Variants in SYNE1 observed in about 807,000 individuals in gnomAD.
The protein encoded by SYNE1 is spectrin repeat containing nuclear envelope protein 1.
A neutral mutation model predicts 1,111.0 loss-of-function variants in SYNE1; 616 were observed. The ratio of observed to expected loss-of-function variants is 0.55; its 90% CI spans 0.52 to 0.59. SYNE1 has a LOEUF of 0.59. Among genes scored for constraint, SYNE1 ranks in the 20% least tolerant of loss-of-function variants. The probability of loss-of-function intolerance (pLI) is 0.00; values close to 1 mark genes in which losing one functional copy is unlikely to be tolerated. For missense variants in SYNE1, 10,006 were observed against 10,417.0 expected, an observed-to-expected ratio of 0.96 and a Z score of 1.72; for synonymous variants, 3,855 against 3,825.8, an observed-to-expected ratio of 1.01 and a Z score of -0.28.
chr6:152,211,527 T>G lies in SYNE1; in HGVS notation c.22556A>C (p.Gln7519Pro). 1.2e-6 allele frequency: 2 copies of G among 1,613,894 alleles called. No individual in the cohort carries two copies. Among genetic ancestry groups the G allele is most frequent in the Non-Finnish European group, 1.7e-6 (2 of 1,179,878 alleles). ...QILHSIIIDG[Q>P]RLLEQGQVDD... Reference sequence around the variant, plus strand: ...AACTTGACCTTGTTCTAGAAGACGTTGCCCATCAATAATGATTGAGTGCAA... The same window carrying G: ...AACTTGACCTTGTTCTAGAAGACGTGGCCCATCAATAATGATTGAGTGCAA... Residue 7519 changes from glutamine to proline, a missense_variant, in exon 124 of 146, where the codon CAA becomes CCA. By Grantham distance (76) the Gln-to-Pro change is moderately conservative. Coordinates refer to ENST00000367255, the MANE Select transcript of SYNE1 (RefSeq NM_182961.4).
At chr6:152,294,779 T>C (rs1001443467) in intron 93 of SYNE1, among the ~76,000 whole-genome samples, 17 of 152,198 alleles carry the variant, frequency 1.1e-4, no homozygotes, top group African/African-American at 4.1e-4. Flanking sequence ...TTTAAACCTA[T>C]TATAACATTA....
rs547107360 is a variant in SYNE1 at position 152,475,427 on chromosome 6, A to C, written c.1351-3014T>G. Among the ~76,000 whole-genome samples the C allele has an allele frequency of 4.2e-4, 64 of 152,330 alleles. 1 individual carries two copies. The South Asian group carries it at 0.013, about 30-fold the overall frequency. ...GGCAAAATTATCTAACATAAAGCCA[A>C]ATTTTATAATAAAATGTTGAATATC... On this transcript the variant is annotated intron_variant, in intron 14 of 145. Coordinates refer to ENST00000367255, the MANE Select transcript of SYNE1 (RefSeq NM_182961.4).
intron 128 of SYNE1, among the ~76,000 whole-genome samples, chr6:152,185,977 A>G (rs2069741889): frequency 6.6e-6 from 1 of 152,232 alleles, no homozygotes; most frequent in Non-Finnish European, 1.5e-5. Flanking sequence ...AAACGTAAGT[A>G]TGAGGAAATA....
intron 89 of SYNE1, 111 bp from the exon 90 acceptor site, chr6:152,310,128 A>T (rs2095503098): frequency 1.5e-6 from 2 of 1,373,922 alleles, no homozygotes; most frequent in Non-Finnish European, 2.0e-6. Flanking sequence ...TTGCAAAAAA[A>T]AAAAAATGTT....
Position 152,471,641 on chromosome 6 carries a change from A to G in SYNE1, c.1588T>C (p.Tyr530His). ...ESKLKSWIIK[Y>H]GRRESVEQLL... ...TGCTCCACTGACTCTCTCCTCCCGT[A>G]CTTAATGATCCAAGACTTCAGCTTT... The change falls in exon 16 of 146, where the codon TAC (tyrosine) becomes CAC (histidine). Residue 530 changes from tyrosine (Y) to histidine (H), a missense_variant. Physicochemically the swap from Tyr to His is moderately conservative, Grantham distance 83. This residue lies in a region of SYNE1 where 1,971 missense variants were observed against 2,084.1 expected (regional missense o/e 0.95). Transcript: ENST00000367255. 6.2e-7 allele frequency: 1 copy of G among 1,614,046 alleles called. No homozygotes were observed. Among genetic ancestry groups the G allele is most frequent in the Non-Finnish European group, 8.5e-7 (1 of 1,179,910 alleles).
rs116883984 is a variant in SYNE1, at chr6:152,362,307, G to C, written c.10162C>G (p.Leu3388Val). ...TCCTGATAACTTGTCCACTTGGAGA[G>C]AGCTCCTTCGAGTTGGCTGAAAGGG... is the stretch of plus-strand genomic sequence containing the variant. ...IRCKSQLEGA[L>V]SKWTSYQDGV... The change falls in exon 64 of 146, where the codon CTC (leucine) becomes GTC (valine). Residue 3388 changes from leucine (L) to valine (V), a missense_variant. Around this residue, in one of 7 missense-constraint regions of SYNE1, gnomAD observed 4,955 missense variants for 5,017.2 expected, o/e 0.99. Coordinates refer to ENST00000367255, the MANE Select transcript of SYNE1 (RefSeq NM_182961.4). The C allele has an allele frequency of 6.2e-7, 1 of 1,614,100 alleles. No homozygotes were observed. The highest frequency in any genetic ancestry group is 1.3e-5 in the African/African-American group (1 of 74,938).
chr6:152,515,229 A>AT (rs1023654835), intron 6 of SYNE1, among the ~76,000 whole-genome samples: 5 of 152,004 alleles, frequency 3.3e-5, no homozygotes, highest in African/African-American at 1.2e-4. Flanking sequence ...CTCAAAAAAA[A>AT]AAAAGAAAAG....
At chr6:152,617,504 C>T (rs1167216613) in intron 3 of SYNE1, among the ~76,000 whole-genome samples, 1 of 152,142 alleles carries the variant, frequency 6.6e-6, no homozygotes, top group African/African-American at 2.4e-5. Context: ...GACTTGAGCA[C>T]AGTAGATTCC....
chr6:152,513,804 C>T (rs775068078), intron 6 of SYNE1, among the ~76,000 whole-genome samples: 41 of 152,052 alleles, frequency 2.7e-4, no homozygotes, highest in Non-Finnish European at 3.4e-4. Flanking sequence ...ACAACTCCAT[C>T]AAAAAGTGGG....
chr6:152,586,264 G>A (rs1013160942), intron 3 of SYNE1, among the ~76,000 whole-genome samples: 3 of 152,022 alleles, frequency 2.0e-5, no homozygotes, highest in African/African-American at 7.2e-5. Context: ...GCTCAAGAGT[G>A]CAATTTTAGC....
intron 129 of SYNE1, among the ~76,000 whole-genome samples, chr6:152,177,751 T>C (rs2066846436): frequency 6.6e-6 from 1 of 152,236 alleles, no homozygotes; most frequent in South Asian, 2.1e-4. Context: ...GAGATGATTT[T>C]ATTGAGAAGT....
At chr6:152,530,700 C>T (rs547774125) in intron 4 of SYNE1, among the ~76,000 whole-genome samples, 1 of 151,362 alleles carries the variant, frequency 6.6e-6, no homozygotes, top group Non-Finnish European at 1.5e-5. Context: ...CGGCTCACTG[C>T]AACCTCTGCC....
chr6:152,283,898 G>C, intron 96 of SYNE1, 80 bp downstream of exon 96: 1 of 1,178,222 alleles, frequency 8.5e-7, no homozygotes, highest in South Asian at 1.2e-5. Flanking sequence ...ATGTAAATAC[G>C]TAAGTAACCC....
chr6:152,409,730 A>T (rs1216229581), intron 42 of SYNE1, 21 bp from the exon 43 acceptor site: 14 of 1,612,458 alleles, frequency 8.7e-6, no homozygotes, highest in Non-Finnish European at 1.2e-5. Context: ...TAAAGAAAAT[A>T]TATTATTTGG....
intron 3 of SYNE1, among the ~76,000 whole-genome samples, chr6:152,623,683 T>C (rs1744373): frequency 0.68 from 102,802 of 151,938 alleles, 34,868 homozygotes; most frequent in Non-Finnish European, 0.71. Flanking sequence ...AAAATCACAA[T>C]GCCATTAAAA....
Position 152,325,858 on chromosome 6 carries a change from GA to G in SYNE1, c.15438+99del, listed in dbSNP as rs3215013. ...TTGTTAAATGCATCCTTATCACATT[GA>G]AAAAAGTCCAGGTAGAAATGAAGAT... On this transcript the variant is annotated intron_variant, in intron 80 of 145. Coordinates refer to ENST00000367255, the MANE Select transcript of SYNE1 (RefSeq NM_182961.4). The G allele has an allele frequency of 0.77, 1,098,537 of 1,434,998 alleles. 424,134 individuals are homozygous for G. The highest frequency in any genetic ancestry group is 0.93 in the African/African-American group (65,954 of 70,700). 88.9% of individuals were successfully genotyped at this position (1,434,998 alleles called of 1,614,324 possible). A position where few individuals can be genotyped will look rare whatever the true frequency, so the allele number is the denominator to read the frequency against.
chr6:152,417,265 A>G lies in SYNE1; in HGVS notation c.5422-250T>C, dbSNP rs576054526. 1.2e-4 allele frequency among the ~76,000 whole-genome samples: 18 copies of G among 152,252 alleles called. 2 individuals carry two copies. Among genetic ancestry groups the G allele is most frequent in the African/African-American group, 3.9e-4 (16 of 41,546 alleles). ...TGTAATCCCAGCACTTTGGGAGGCCAAGGCGGGCAGATCACGAGGTCAGGA... is the reference window on the plus strand; with the variant it reads ...TGTAATCCCAGCACTTTGGGAGGCCGAGGCGGGCAGATCACGAGGTCAGGA... On this transcript the variant is annotated intron_variant, in intron 40 of 145. Coordinates refer to ENST00000367255, the MANE Select transcript of SYNE1 (RefSeq NM_182961.4).
At chr6:152,531,498 G>T (rs1367446935) in intron 4 of SYNE1, among the ~76,000 whole-genome samples, 1 of 152,152 alleles carries the variant, frequency 6.6e-6, no homozygotes, top group Non-Finnish European at 1.5e-5. Flanking sequence ...ATTTTTAAAT[G>T]TGCTAAAATA....
chr6:152,344,307 A>C, intron 73 of SYNE1, 80 bp from the exon 74 acceptor site: 1 of 1,581,378 alleles, frequency 6.3e-7, no homozygotes, highest in Non-Finnish European at 8.6e-7. Context: ...ATGAAACATG[A>C]CCAGTACATC....
Sources: gnomAD v4.1 joint callset for allele counts (sites outside exome capture counted in the v4.1 genomes callset) on GRCh38, gnomAD v4.1.1 for gene constraint, gnomAD v4.1.1 regional missense constraint, MANE v1.5 for transcripts, NCBI Gene and HGNC (gene_info 2026-07-23, HGNC 2026-07-21) for gene names.